ZCCHC9: variants seen among roughly 807,000 people sequenced by gnomAD.
The protein encoded by ZCCHC9 is zinc finger CCHC domain-containing protein 9.
Under a neutral mutation model 30.8 loss-of-function variants are expected in ZCCHC9, and 18 were observed. That is an observed-to-expected ratio of 0.58 (90% CI 0.40 to 0.87). The LOEUF is 0.87. Ranked by LOEUF, ZCCHC9 falls within the 40% of genes least tolerant of loss-of-function variation. The pLI, the probability that ZCCHC9 is intolerant of heterozygous loss-of-function variation, is 0.00. For missense variants in ZCCHC9, 279 were observed against 331.2 expected (o/e 0.84, Z 1.22); for synonymous variants, 94 against 106.7 (o/e 0.88, Z 0.73).
At chr5:81,307,111 CAT>C (rs992593933) in intron 2 of ZCCHC9, among the ~76,000 whole-genome samples, 2 of 152,118 alleles carry the variant, frequency 1.3e-5, no homozygotes, top group African/African-American at 4.8e-5. Flanking sequence ...TTTGAAAAAA[CAT>C]AATTAAATGA....
Position 81,312,709 on chromosome 5 carries a change from A to G in ZCCHC9, c.*47A>G. ...GTTACTACCTCATTGTTACTTTCTA[A>G]ACCAGGCCCGCTTCACGAGTTAGAG... On this transcript the variant is annotated 3_prime_UTR_variant, in exon 6 of 6. Coordinates refer to ENST00000407610, the MANE Select transcript of ZCCHC9 (RefSeq NM_001131035.2). 1 of 1,399,800 alleles carries G rather than the reference A, an allele frequency of 7.1e-7. No homozygotes were observed. Among genetic ancestry groups the G allele is most frequent in the Non-Finnish European group, 1.0e-6 (1 of 991,016 alleles). 86.7% of individuals were successfully genotyped at this position (1,399,800 alleles called of 1,614,324 possible).
Position 81,312,642 on chromosome 5 carries a change from C to T in ZCCHC9, c.796C>T (p.Pro266Ser). 6.2e-7 allele frequency: 1 copy of T among 1,612,784 alleles called. No individual in the cohort carries two copies. The highest frequency in any genetic ancestry group is 8.5e-7 in the Non-Finnish European group (1 of 1,178,978). Reference sequence around the variant, plus strand: ...ACCGCAAAAACCCAAAACAAAAATACCTAAAGTTGTTAATTTTTGATAACA... The same window carrying T: ...ACCGCAAAAACCCAAAACAAAAATATCTAAAGTTGTTAATTTTTGATAACA... ...PKPQKPKTKIPKVVNF is the reference protein window; with the variant it reads ...PKPQKPKTKISKVVNF The change falls in exon 6 of 6, where the codon CCT becomes TCT. Residue 266 changes from proline to serine, a missense_variant. By Grantham distance (74) the Pro-to-Ser change is moderately conservative. Transcript: ENST00000407610.
At chr5:81,306,826 T>C (rs951605077) in intron 2 of ZCCHC9, among the ~76,000 whole-genome samples, 16 of 152,336 alleles carry the variant, frequency 1.1e-4, no homozygotes, top group African/African-American at 3.8e-4. Flanking sequence ...ACTAAGGCAG[T>C]AGTCTCAGCT....
At position 81,308,022 on chromosome 5, in the gene ZCCHC9, A is replaced by AAATCT. The variant is rs34237879; in HGVS notation, c.385-538_385-537insATCTA. The stretch of plus-strand genomic sequence containing the variant: ...AAAAAAAAAAAAAAAAAAAAAAAAA[A>AAATCT]ATCTATCTATCTATCTATCTATCTA... On this transcript the variant is annotated intron_variant, in intron 2 of 5. Coordinates refer to ENST00000407610, the MANE Select transcript of ZCCHC9 (RefSeq NM_001131035.2). Among the ~76,000 whole-genome samples the AAATCT allele has an allele frequency of 3.8e-3, 259 of 68,390 alleles. 25 individuals are homozygous for AAATCT. Among genetic ancestry groups the AAATCT allele is most frequent in the Middle Eastern group, 0.026 (2 of 76 alleles). 44.9% of individuals were successfully genotyped at this position (68,390 alleles called of 152,430 possible). A position where few individuals can be genotyped will look rare whatever the true frequency, so the allele number is the denominator to read the frequency against.
Position 81,304,912 on chromosome 5 carries a change from A to G in ZCCHC9, c.155A>G (p.Asp52Gly), listed in dbSNP as rs1466864939. ...LEANRLSLKN[D>G]APQAKHKKNK... ...GCCAATAGGCTATCCCTCAAAAATG[A>G]TGCACCCCAAGCAAAACATAAAAAG... The change falls in exon 2 of 6, where the codon GAT becomes GGT. Residue 52 changes from aspartate (D) to glycine (G), a missense_variant. Coordinates refer to ENST00000407610, the MANE Select transcript of ZCCHC9 (RefSeq NM_001131035.2). 2 of 1,614,156 alleles carry G rather than the reference A, an allele frequency of 1.2e-6. No homozygotes were observed. Among genetic ancestry groups the G allele is most frequent in the African/African-American group, 1.3e-5 (1 of 75,048 alleles).
intron 2 of ZCCHC9, among the ~76,000 whole-genome samples, chr5:81,308,256 T>C (rs1354931377): frequency 6.6e-6 from 1 of 152,150 alleles, no homozygotes; most frequent in Non-Finnish European, 1.5e-5. Flanking sequence ...TTCCAGTTAA[T>C]AAAATGAATA....
In ZCCHC9 at chr5:81,304,818, T is replaced by C. The variant is rs779697033; in HGVS notation, c.61T>C (p.Trp21Arg). 4 of 1,613,486 alleles carry C rather than the reference T, an allele frequency of 2.5e-6. No individual in the cohort carries two copies. The Admixed American group carries it at 6.7e-5, about 27-fold the overall frequency. ...YNKRPLPATS[W>R]EDMKKGSFEG... ...CAAGAGACCCTTGCCTGCAACATCA[T>C]GGGAGGACATGAAGAAGGGATCCTT... Residue 21 changes from tryptophan (W) to arginine (R), a missense_variant, in exon 2 of 6, where the codon TGG becomes CGG. Transcript: ENST00000407610.
Position 81,313,225 on chromosome 5 carries a change from C to T in ZCCHC9, c.*563C>T, listed in dbSNP as rs1048061169. 5.3e-5 allele frequency: 8 copies of T among 152,118 alleles called. No individual in the cohort carries two copies. Among genetic ancestry groups the T allele is most frequent in the African/African-American group, 1.9e-4 (8 of 41,418 alleles). 9.4% of individuals were successfully genotyped at this position (152,118 alleles called of 1,614,324 possible). A position where few individuals can be genotyped will look rare whatever the true frequency, so the allele number is the denominator to read the frequency against. Reference sequence around the variant, plus strand: ...TGTTCGTTAATATCCATGTAACAATCCCATTGGAAACAAGATTTTTTTTGA... The same window carrying T: ...TGTTCGTTAATATCCATGTAACAATTCCATTGGAAACAAGATTTTTTTTGA... On this transcript the variant is annotated 3_prime_UTR_variant, in exon 6 of 6. Coordinates refer to ENST00000407610, the MANE Select transcript of ZCCHC9 (RefSeq NM_001131035.2).
At position 81,304,612 on chromosome 5, in the gene ZCCHC9, A is replaced by C. The variant is rs1758039386; in HGVS notation, c.-17-129A>C. The C allele has an allele frequency of 1.3e-5, 9 of 701,472 alleles. No homozygotes were observed. In the South Asian group the frequency reaches 2.3e-4, roughly 18 times the overall value. The allele number at this position is 701,472 out of a possible 1,614,324, so 43.5% of individuals were successfully genotyped here. On this transcript the variant is annotated intron_variant, in intron 1 of 5. Transcript: ENST00000407610. ...TATACAGATATCTAACTGAAATAAA[A>C]AGTGTTTTAATAATTAAAAGTTTAA...
intron 2 of ZCCHC9, 152 bp downstream of exon 2, chr5:81,305,293 A>G: frequency 9.8e-7 from 1 of 1,016,902 alleles, no homozygotes; most frequent in East Asian, 2.7e-5. Context: ...TTTAGCACAT[A>G]TATGCTAGGC....
chr5:81,311,983 G>A (rs1758304061), intron 5 of ZCCHC9, among the ~76,000 whole-genome samples: 1 of 152,154 alleles, frequency 6.6e-6, no homozygotes, highest in Non-Finnish European at 1.5e-5. Flanking sequence ...ACGCAAATAA[G>A]TCTGCTCATT....
intron 1 of ZCCHC9, chr5:81,303,857 A>T (rs559495895): frequency 6.6e-6 from 1 of 152,354 alleles, no homozygotes; most frequent in African/African-American, 2.4e-5. Flanking sequence ...TAGCTGATGA[A>T]TCTTTGATTA....
rs922675596 is a variant in ZCCHC9, at chr5:81,309,741, C to T, written c.628+703C>T. 5.9e-5 allele frequency among the ~76,000 whole-genome samples: 9 copies of T among 152,180 alleles called. No homozygotes were observed. The East Asian group carries it at 1.2e-3, about 20-fold the overall frequency. On this transcript the variant is annotated intron_variant, in intron 4 of 5. Transcript: ENST00000407610. ...TCACTAGCTGGGGGGCTTTGGCCAA[C>T]TACCAAACTCTGATCTCCGTTTCCT...
chr5:81,308,606 C>T lies in ZCCHC9; in HGVS notation c.430C>T (p.Pro144Ser), dbSNP rs751225059. Reference sequence around the variant, plus strand: ...ACCTGGTCATGGAATTGCAGATTGCCCCGCCGCCCTTGAAAATCAAGACAT... The same window carrying T: ...ACCTGGTCATGGAATTGCAGATTGCTCCGCCGCCCTTGAAAATCAAGACAT... ...RKPGHGIADC[P>S]AALENQDMGT... Residue 144 changes from proline to serine, a missense_variant, in exon 3 of 6, where the codon CCC becomes TCC. By Grantham distance (74) the Pro-to-Ser change is moderately conservative. Transcript: ENST00000407610. 1 of 1,613,564 alleles carries T rather than the reference C, an allele frequency of 6.2e-7. No homozygotes were observed. Among genetic ancestry groups the T allele is most frequent in the South Asian group, 1.1e-5 (1 of 91,032 alleles).
chr5:81,308,491 T>C, intron 2 of ZCCHC9, 70 bp from the exon 3 acceptor site: 2 of 1,431,872 alleles, frequency 1.4e-6, no homozygotes, highest in Non-Finnish European at 1.8e-6. Context: ...AAATATGTTT[T>C]TGATAACAAG....
Position 81,311,294 on chromosome 5 carries a change from C to T in ZCCHC9, c.697+15C>T, listed in dbSNP as rs753945932. 6.2e-7 allele frequency: 1 copy of T among 1,613,248 alleles called. No homozygotes were observed. The highest frequency in any genetic ancestry group is 8.5e-7 in the Non-Finnish European group (1 of 1,179,226). On this transcript the variant is annotated intron_variant, in intron 5 of 5. Transcript: ENST00000407610. The stretch of plus-strand genomic sequence containing the variant: ...TCAGAATTCAGGTGAGATCTCTGGG[C>T]CTCTACTTAGAAGGGGTGAGATTAG...
Position 81,304,978 on chromosome 5 carries a change from G to A in ZCCHC9, c.221G>A (p.Gly74Glu), listed in dbSNP as rs1433303069. 1.2e-6 allele frequency: 2 copies of A among 1,614,010 alleles called. No homozygotes were observed. The highest frequency in any genetic ancestry group is 2.7e-5 in the African/African-American group (2 of 74,910). The stretch of plus-strand genomic sequence containing the variant: ...GAGTACTTAAATGAAGATGTGAATG[G>A]ATTCATGGAATACCTAAGACAGAAT... ...KKEYLNEDVN[G>E]FMEYLRQNSQ... Residue 74 changes from glycine (G) to glutamate (E), a missense_variant, in exon 2 of 6, where the codon GGA becomes GAA. Transcript: ENST00000407610.
intron 2 of ZCCHC9, among the ~76,000 whole-genome samples, chr5:81,307,621 C>T (rs997278746): frequency 5.3e-5 from 8 of 151,820 alleles, no homozygotes; most frequent in Non-Finnish European, 8.8e-5. Flanking sequence ...CCACTGCACT[C>T]CAGCCTGGTG....
intron 2 of ZCCHC9, among the ~76,000 whole-genome samples, chr5:81,308,022 A>AAAAAATCTATCTATCTATCTATCT (rs34237879): frequency 1.5e-5 from 1 of 68,346 alleles, no homozygotes; most frequent in South Asian, 5.6e-4. Flanking sequence ...AAAAAAAAAA[A>AAAAAATCTATCTATCTATCTATCT]ATCTATCTAT....
Sources: allele counts gnomAD v4.1 joint callset (sites outside exome capture counted in the v4.1 genomes callset), GRCh38; gene constraint gnomAD v4.1.1; transcripts MANE v1.5; gene names NCBI Gene and HGNC (gene_info 2026-07-23, HGNC 2026-07-21).